ATG10: variants seen among roughly 807,000 people sequenced by gnomAD.
The protein encoded by ATG10 is autophagy related 10.
A neutral mutation model predicts 32.1 loss-of-function variants in ATG10; 30 were observed. The ratio of observed to expected loss-of-function variants is 0.94; its 90% CI spans 0.70 to 1.27. The LOEUF (loss-of-function observed/expected upper bound fraction) is 1.27. ATG10 is among the 50% of genes most tolerant of loss of function. The pLI is 0.00. For missense variants in ATG10, 233 were observed against 262.3 expected, an observed-to-expected ratio of 0.89 and a Z score of 0.77; for synonymous variants, 87 against 91.5, an observed-to-expected ratio of 0.95 and a Z score of 0.28.
intron 5 of ATG10, among the ~76,000 whole-genome samples, chr5:82,212,331 T>C (rs1187887466): frequency 4.6e-5 from 7 of 152,276 alleles, no homozygotes; most frequent in Middle Eastern, 3.4e-3. Context: ...CTAAACTCTT[T>C]CTTCTCAAGG....
chr5:82,077,878 G>A (rs1049227760), intron 3 of ATG10, among the ~76,000 whole-genome samples: 2 of 152,146 alleles, frequency 1.3e-5, no homozygotes, highest in Non-Finnish European at 2.9e-5. Flanking sequence ...GGAGTATTTT[G>A]TTGGCAGGTT....
intron 3 of ATG10, among the ~76,000 whole-genome samples, chr5:82,108,468 A>G (rs1765507878): frequency 1.3e-5 from 2 of 151,930 alleles, no homozygotes; most frequent in African/African-American, 4.8e-5. Context: ...ATGTGTATAT[A>G]TGTATGTATA....
chr5:82,135,504 C>T (rs1285444950), intron 3 of ATG10, among the ~76,000 whole-genome samples: 1 of 152,190 alleles, frequency 6.6e-6, no homozygotes, highest in Non-Finnish European at 1.5e-5. Context: ...CATTCAGGAA[C>T]AAGTTTTTCA....
intron 3 of ATG10, among the ~76,000 whole-genome samples, chr5:82,097,444 C>T (rs1207966641): frequency 6.6e-6 from 1 of 152,088 alleles, no homozygotes; most frequent in Admixed American, 6.5e-5. Flanking sequence ...ACAGTATTTA[C>T]TCAAAGAAGT....
rs555380971 is a variant in ATG10, at chr5:82,250,775, A to C, written c.454-1787A>C. ...GGAACATTGTTTATCTAAGAGATGC[A>C]GTGGTCTCTATAACTATAGCTAGAA... is the stretch of plus-strand genomic sequence containing the variant. On this transcript the variant is annotated intron_variant, in intron 5 of 7. Transcript: ENST00000282185. Among the ~76,000 whole-genome samples the C allele has an allele frequency of 1.1e-4, 17 of 152,364 alleles. No individual in the cohort carries two copies. The South Asian group carries it at 3.3e-3, about 30-fold the overall frequency.
At chr5:82,212,741 A>G (rs1745539685) in intron 5 of ATG10, among the ~76,000 whole-genome samples, 1 of 152,200 alleles carries the variant, frequency 6.6e-6, no homozygotes, top group South Asian at 2.1e-4. Context: ...TAAATTGCAT[A>G]TGCCCTTTGA....
intron 5 of ATG10, among the ~76,000 whole-genome samples, chr5:82,207,341 A>C (rs907885501): frequency 2.6e-5 from 4 of 152,184 alleles, no homozygotes; most frequent in Non-Finnish European, 4.4e-5. Flanking sequence ...CAGTCTTTTT[A>C]AATTTAGCCC....
chr5:82,224,702 G>A (rs926712712), intron 5 of ATG10, among the ~76,000 whole-genome samples: 5 of 152,176 alleles, frequency 3.3e-5, no homozygotes, highest in Non-Finnish European at 7.3e-5. Flanking sequence ...AAGCTGTGCT[G>A]GAGGAATACT....
intron 1 of ATG10, among the ~76,000 whole-genome samples, chr5:81,982,347 T>C (rs921181237): frequency 2.6e-5 from 4 of 152,168 alleles, no homozygotes; most frequent in African/African-American, 9.7e-5. Context: ...GTGCCTGTAG[T>C]CCCAGCTACT....
chr5:82,178,244 T>G (rs1744106887), intron 4 of ATG10, among the ~76,000 whole-genome samples: 1 of 152,170 alleles, frequency 6.6e-6, no homozygotes, highest in Non-Finnish European at 1.5e-5. Flanking sequence ...TTTGTAAAAT[T>G]CCTAGAGGCA....
intron 2 of ATG10, among the ~76,000 whole-genome samples, chr5:82,036,663 A>G (rs1322575534): frequency 6.6e-6 from 1 of 152,098 alleles, no homozygotes. Context: ...ACATTTTTAA[A>G]TTGTCTTTAC....
intron 5 of ATG10, chr5:82,242,992 A>G (rs1220024623): frequency 6.2e-6 from 2 of 323,710 alleles, no homozygotes; most frequent in Non-Finnish European, 1.2e-5. Flanking sequence ...CGGAAATACT[A>G]GACAACAGTA....
chr5:82,084,302 A>G (rs1218003342), intron 3 of ATG10, among the ~76,000 whole-genome samples: 1 of 152,210 alleles, frequency 6.6e-6, no homozygotes, highest in Non-Finnish European at 1.5e-5. Context: ...AAAAGAAACA[A>G]ACAAAGCCTC....
At chr5:82,034,980 G>A (rs1367742993) in intron 2 of ATG10, among the ~76,000 whole-genome samples, 1 of 152,044 alleles carries the variant, frequency 6.6e-6, no homozygotes, top group Admixed American at 6.6e-5. Context: ...GTGCAATGGT[G>A]TGACCTCGGC....
At chr5:82,083,442 C>G (rs895675713) in intron 3 of ATG10, among the ~76,000 whole-genome samples, 1 of 152,212 alleles carries the variant, frequency 6.6e-6, no homozygotes, top group African/African-American at 2.4e-5. Flanking sequence ...GAAACTTGTG[C>G]AGACTTAAAC....
chr5:82,200,358 T>C (rs1316691834), intron 5 of ATG10, among the ~76,000 whole-genome samples: 1 of 152,094 alleles, frequency 6.6e-6, no homozygotes, highest in Non-Finnish European at 1.5e-5. Flanking sequence ...GGTTTTTGTT[T>C]TGCACTTATT....
Position 82,058,573 on chromosome 5 carries a change from A to G in ATG10, c.187A>G (p.Thr63Ala). 2 of 1,612,364 alleles carry G rather than the reference A, an allele frequency of 1.2e-6. No individual in the cohort carries two copies. The highest frequency in any genetic ancestry group is 2.2e-5 in the South Asian group (2 of 90,952). ...TGTGATGTCACATCTAGGAGCATCTACCCATGGACAGACATGTCTTCCCAT... is the reference window on the plus strand; with the variant it reads ...TGTGATGTCACATCTAGGAGCATCTGCCCATGGACAGACATGTCTTCCCAT... Reference protein sequence around the residue: ...GSVMSHLGASTHGQTCLPMEE... With the variant: ...GSVMSHLGASAHGQTCLPMEE... Residue 63 changes from threonine to alanine, a missense_variant, in exon 3 of 8, where the codon ACC becomes GCC. Thr to Ala is a moderately conservative substitution (Grantham distance 58). Transcript: ENST00000282185.
intron 5 of ATG10, among the ~76,000 whole-genome samples, chr5:82,186,193 A>C (rs1190138581): frequency 7.9e-5 from 12 of 152,172 alleles, no homozygotes; most frequent in Non-Finnish European, 1.5e-4. Flanking sequence ...TTTAAATGGG[A>C]CTACAGATAT....
intron 5 of ATG10, among the ~76,000 whole-genome samples, chr5:82,244,042 A>G (rs1032036075): frequency 6.6e-6 from 1 of 152,190 alleles, no homozygotes. Context: ...ACAATTAAAT[A>G]TCTGTTCAGT....
Sources: gnomAD v4.1 joint callset for allele counts (sites outside exome capture counted in the v4.1 genomes callset) on GRCh38, gnomAD v4.1.1 for gene constraint, MANE v1.5 for transcripts, NCBI Gene and HGNC (gene_info 2026-07-23, HGNC 2026-07-21) for gene names.